The following CASR variants were observed in gnomAD, a reference collection of about 807,000 sequenced individuals.
The protein encoded by CASR is calcium sensing receptor.
A neutral mutation model predicts 69.1 loss-of-function variants in CASR; 23 were observed. The ratio of observed to expected loss-of-function variants is 0.33; its 90% CI spans 0.24 to 0.47. CASR has a LOEUF of 0.47. Ranked by LOEUF, CASR falls within the 20% of genes least tolerant of loss-of-function variation. CASR has a pLI of 1.00. For synonymous variants in CASR, 541 were observed against 544.7 expected, an observed-to-expected ratio of 0.99 and a Z score of 0.10; for missense variants, 924 against 1,356.1, an observed-to-expected ratio of 0.68 and a Z score of 5.00.
intron 1 of CASR, among the ~76,000 whole-genome samples, chr3:122,203,085 C>T (rs959902376): frequency 2.0e-5 from 3 of 152,204 alleles, no homozygotes; most frequent in Non-Finnish European, 1.5e-5. Context: ...AGCCTCCCTT[C>T]TGTGTTCTTT....
chr3:122,236,180 A>G (rs1306317121), intron 1 of CASR, among the ~76,000 whole-genome samples: 2 of 152,208 alleles, frequency 1.3e-5, no homozygotes, highest in African/African-American at 4.8e-5. Context: ...ATGTGTGAGG[A>G]TATATTGGCT....
intron 1 of CASR, among the ~76,000 whole-genome samples, chr3:122,231,290 G>A (rs545503749): frequency 3.3e-5 from 5 of 152,252 alleles, no homozygotes; most frequent in Admixed American, 6.5e-5. Flanking sequence ...GCCATCCCAC[G>A]AGTGGGCTAA....
chr3:122,271,178 C>T (rs1027420430), intron 4 of CASR, among the ~76,000 whole-genome samples: 23 of 152,138 alleles, frequency 1.5e-4, no homozygotes, highest in African/African-American at 4.8e-4. Flanking sequence ...TGCTGGACAC[C>T]TACAGGTTTA....
chr3:122,248,608 A>AT (rs539049283), intron 1 of CASR, among the ~76,000 whole-genome samples: 9,457 of 141,626 alleles, frequency 0.067, 332 homozygotes, highest in Non-Finnish European at 0.075. Flanking sequence ...GCAACCTAGA[A>AT]TTTTTTTTTT....
rs923503209 is a variant in CASR, at chr3:122,286,589, T to C, written c.*1398T>C. 1 of 152,172 alleles carries C rather than the reference T, an allele frequency of 6.6e-6. No homozygotes were observed. The highest frequency in any genetic ancestry group is 2.4e-5 in the African/African-American group (1 of 41,428). 9.4% of individuals were successfully genotyped at this position (152,172 alleles called of 1,614,324 possible). On this transcript the variant is annotated 3_prime_UTR_variant, in exon 7 of 7. Transcript: ENST00000639785. ...CAGATTGTACTGCCTAGCCCACTGA[T>C]CACAATCACTCTCTCTGTAATAAGC...
chr3:122,254,321 A>T lies in CASR; in HGVS notation c.132A>T (p.Val44=). 1 of 1,614,220 alleles carries T rather than the reference A, an allele frequency of 6.2e-7. No homozygotes were observed. The highest frequency in any genetic ancestry group is 8.5e-7 in the Non-Finnish European group (1 of 1,180,042). ...LGGLFPIHFG[V]AAKDQDLKSR... Reference sequence around the variant, plus strand: ...GGCTCTTTCCTATTCATTTTGGAGTAGCAGCTAAAGATCAAGATCTCAAAT... The same window carrying T: ...GGCTCTTTCCTATTCATTTTGGAGTTGCAGCTAAAGATCAAGATCTCAAAT... Residue 44 remains valine (V), a synonymous_variant, in exon 2 of 7, where the codon GTA becomes GTT. Transcript: ENST00000639785.
intron 1 of CASR, among the ~76,000 whole-genome samples, chr3:122,215,818 G>C (rs2074112015): frequency 6.6e-6 from 1 of 152,212 alleles, no homozygotes; most frequent in Non-Finnish European, 1.5e-5. Flanking sequence ...ATTGCCATGA[G>C]AGGCACCCAT....
At chr3:122,205,301 C>T (rs1055352720) in intron 1 of CASR, among the ~76,000 whole-genome samples, 8 of 152,032 alleles carry the variant, frequency 5.3e-5, no homozygotes, top group Non-Finnish European at 7.4e-5. Context: ...TGGGAAGTTA[C>T]CAGTTTTCCC....
At chr3:122,254,489 T>C (rs371119165) in intron 2 of CASR, 115 bp downstream of exon 2, 3 of 1,056,148 alleles carry the variant, frequency 2.8e-6, no homozygotes, top group Non-Finnish European at 2.9e-6. Context: ...AGAATAGTGA[T>C]TGATTGGTAA....
In CASR at chr3:122,285,416, GCA is replaced by G; in HGVS notation, c.*226_*227del. On this transcript the variant is annotated 3_prime_UTR_variant, in exon 7 of 7. Coordinates refer to ENST00000639785, the MANE Select transcript of CASR (RefSeq NM_000388.4). Reference sequence around the variant, plus strand: ...TGTTTCTGTGGTTGCATTTGTCAAAGCATTGAGATCTCCACGGTCAGATTTGC... The same window carrying G: ...TGTTTCTGTGGTTGCATTTGTCAAAGTTGAGATCTCCACGGTCAGATTTGC... The G allele has an allele frequency of 2.2e-6, 1 of 459,716 alleles. No individual in the cohort carries two copies. The highest frequency in any genetic ancestry group is 3.9e-6 in the Non-Finnish European group (1 of 253,972). The allele number at this position is 459,716 out of a possible 1,614,324, so 28.5% of individuals were successfully genotyped here.
intron 1 of CASR, among the ~76,000 whole-genome samples, chr3:122,225,335 AAT>A (rs2074211672): frequency 6.6e-6 from 1 of 152,094 alleles, no homozygotes; most frequent in South Asian, 2.1e-4. Context: ...ACAAAGGTCT[AAT>A]ATCCAGAATT....
At chr3:122,283,283 A>G (rs2074915234) in intron 6 of CASR, among the ~76,000 whole-genome samples, 1 of 152,242 alleles carries the variant, frequency 6.6e-6, no homozygotes, top group Non-Finnish European at 1.5e-5. Context: ...TTACCCAATA[A>G]TATTTAAATA....
intron 1 of CASR, among the ~76,000 whole-genome samples, chr3:122,207,400 A>C (rs2074017838): frequency 6.6e-6 from 1 of 152,188 alleles, no homozygotes; most frequent in South Asian, 2.1e-4. Flanking sequence ...AACATTCTCC[A>C]AATAGACCAT....
chr3:122,240,183 T>C (rs2074367289), intron 1 of CASR, among the ~76,000 whole-genome samples: 1 of 152,240 alleles, frequency 6.6e-6, no homozygotes, highest in South Asian at 2.1e-4. Context: ...CCAATATGTC[T>C]GGCAGCAGAC....
At chr3:122,185,673 C>T (rs2073772126) in intron 1 of CASR, among the ~76,000 whole-genome samples, 1 of 152,094 alleles carries the variant, frequency 6.6e-6, no homozygotes, top group African/African-American at 2.4e-5. Flanking sequence ...ATCAGTCACA[C>T]CTTGCTGTTG....
chr3:122,184,939 G>T (rs1314019544), intron 1 of CASR, among the ~76,000 whole-genome samples: 1 of 152,200 alleles, frequency 6.6e-6, no homozygotes, highest in Non-Finnish European at 1.5e-5. Flanking sequence ...CACAGAGTCA[G>T]CTCTGGCCCC....
At chr3:122,192,554 TCTC>T (rs1248971556) in intron 1 of CASR, among the ~76,000 whole-genome samples, 1 of 152,224 alleles carries the variant, frequency 6.6e-6, no homozygotes, top group Admixed American at 6.5e-5. Context: ...TCTCCAAGAT[TCTC>T]TTTATGAATT....
In CASR at chr3:122,285,757, T is replaced by C. The variant is rs1306266014; in HGVS notation, c.*566T>C. The stretch of plus-strand genomic sequence containing the variant: ...GAAGGTTTGCACCCCTCCTATACCA[T>C]ATGTCTGCTTCTGTCCAGGACATGA... On this transcript the variant is annotated 3_prime_UTR_variant, in exon 7 of 7. Transcript: ENST00000639785. 6.0e-6 allele frequency: 1 copy of C among 165,758 alleles called. No homozygotes were observed. Among genetic ancestry groups the C allele is most frequent in the Non-Finnish European group, 1.3e-5 (1 of 74,376 alleles). 10.3% of individuals were successfully genotyped at this position (165,758 alleles called of 1,614,324 possible).
Position 122,242,976 on chromosome 3 carries a change from GA to G in CASR, c.-242-10970del, listed in dbSNP as rs201529270. Among the ~76,000 whole-genome samples the G allele has an allele frequency of 9.2e-3, 1,400 of 152,234 alleles. 26 individuals carry two copies. The highest frequency in any genetic ancestry group is 0.032 in the African/African-American group (1,342 of 41,542). On this transcript the variant is annotated intron_variant, in intron 1 of 6. Coordinates refer to ENST00000639785, the MANE Select transcript of CASR (RefSeq NM_000388.4). Reference sequence around the variant, plus strand: ...TGAGAAAATTGGATATCCAAATGCAGAAGAATGAAACTAGACCTCTGTCTCT... The same window carrying G: ...TGAGAAAATTGGATATCCAAATGCAGAGAATGAAACTAGACCTCTGTCTCT...
Sources: gnomAD v4.1 joint callset for allele counts (sites outside exome capture counted in the v4.1 genomes callset) on GRCh38, gnomAD v4.1.1 for gene constraint, MANE v1.5 for transcripts, NCBI Gene and HGNC (gene_info 2026-07-23, HGNC 2026-07-21) for gene names.